Variants in CCDC7 observed in about 807,000 individuals in gnomAD.
CCDC7 encodes the protein coiled-coil domain containing 7, also known as coiled-coil domain-containing protein 7.
CCDC7 carries 183 observed loss-of-function variants against 196.9 expected under a neutral mutation model. That is an observed-to-expected ratio of 0.93 (90% CI 0.82 to 1.05). CCDC7 has a LOEUF of 1.05. CCDC7 is among the 50% of genes least tolerant of loss of function. The probability of loss-of-function intolerance (pLI) is 0.00; values close to 1 mark genes in which losing one functional copy is unlikely to be tolerated. For missense variants in CCDC7, 1,540 were observed against 1,482.2 expected (o/e 1.04, Z -0.64); for synonymous variants, 525 against 484.6 (o/e 1.08, Z -1.10).
At chr10:32,812,912 G>A (rs371779741) in intron 30 of CCDC7, among the ~76,000 whole-genome samples, 1 of 152,058 alleles carries the variant, frequency 6.6e-6, no homozygotes, top group Non-Finnish European at 1.5e-5. Context: ...GTTTTGAGTC[G>A]CTATATCTCT....
intron 8 of CCDC7, among the ~76,000 whole-genome samples, chr10:32,490,374 C>A (rs2041963592): frequency 6.6e-6 from 1 of 151,982 alleles, no homozygotes. Context: ...ATGGCTTTTT[C>A]TTCTTTCTGG....
intron 41 of CCDC7, among the ~76,000 whole-genome samples, chr10:32,856,250 T>C (rs2093749132): frequency 6.6e-6 from 1 of 152,114 alleles, no homozygotes; most frequent in African/African-American, 2.4e-5. Context: ...CAGTCATCAA[T>C]GGAAAATATC....
chr10:32,585,167 G>A (rs1368814569), intron 18 of CCDC7, among the ~76,000 whole-genome samples: 8 of 151,474 alleles, frequency 5.3e-5, no homozygotes, highest in Non-Finnish European at 1.2e-4. Context: ...TCCGCCTCCC[G>A]GGTTCACGCC....
chr10:32,623,613 ACT>A (rs1398062427), intron 18 of CCDC7: 1 of 437,330 alleles, frequency 2.3e-6, no homozygotes, highest in South Asian at 1.6e-5. Flanking sequence ...ACTATTAAGA[ACT>A]CTGTCAGATA....
At chr10:32,646,505 G>T (rs72782234) in intron 20 of CCDC7, among the ~76,000 whole-genome samples, 15,932 of 152,168 alleles carry the variant, frequency 0.1, 1,038 homozygotes, top group South Asian at 0.25. Context: ...TAGCTGTTGG[G>T]TGACACGTAT....
At chr10:32,669,886 G>T (rs915574848) in intron 21 of CCDC7, among the ~76,000 whole-genome samples, 2 of 152,036 alleles carry the variant, frequency 1.3e-5, no homozygotes, top group Non-Finnish European at 2.9e-5. Flanking sequence ...TAGAATGTTT[G>T]TATTGTTATA....
chr10:32,849,181 T>A (rs1414099720), intron 39 of CCDC7, among the ~76,000 whole-genome samples: 6 of 152,060 alleles, frequency 3.9e-5, no homozygotes, highest in Non-Finnish European at 7.4e-5. Context: ...TTTTAATTTT[T>A]ATTTTCATAT....
chr10:32,708,176 C>T (rs1056625906), intron 24 of CCDC7, among the ~76,000 whole-genome samples: 2 of 152,166 alleles, frequency 1.3e-5, no homozygotes, highest in Non-Finnish European at 2.9e-5. Context: ...CACACATCTA[C>T]ACCCATCTGA....
intron 21 of CCDC7, among the ~76,000 whole-genome samples, chr10:32,681,367 C>T (rs2075824925): frequency 6.6e-6 from 1 of 152,164 alleles, no homozygotes; most frequent in Admixed American, 6.6e-5. Context: ...CCCACTACTT[C>T]ACACCATAGG....
chr10:32,807,837 T>G (rs752547360), intron 30 of CCDC7, among the ~76,000 whole-genome samples: 2 of 151,964 alleles, frequency 1.3e-5, no homozygotes, highest in Non-Finnish European at 2.9e-5. Context: ...TTCAAGTGAT[T>G]CTTCTGTCTT....
intron 28 of CCDC7, among the ~76,000 whole-genome samples, chr10:32,772,248 G>A (rs1292060129): frequency 6.6e-6 from 1 of 152,182 alleles, no homozygotes; most frequent in Non-Finnish European, 1.5e-5. Flanking sequence ...AGTTTGTGCA[G>A]GGAGTGGGGA....
At position 32,517,861 on chromosome 10, in the gene CCDC7, G is replaced by GA. The variant is rs536555434; in HGVS notation, c.873-75dup. 13,004 of 1,441,976 alleles carry GA rather than the reference G, an allele frequency of 9.0e-3. 39 individuals carry two copies. Among genetic ancestry groups the GA allele is most frequent in the Non-Finnish European group, 0.011 (11,494 of 1,071,420 alleles). 89.3% of individuals were successfully genotyped at this position (1,441,976 alleles called of 1,614,324 possible). ...AGCAACTAATTACTGAATACCAAAA[G>GA]AAAAAAAAAGAAAATGTGTGTGTTT... On this transcript the variant is annotated intron_variant, in intron 9 of 41. Coordinates refer to ENST00000639629, the Ensembl canonical transcript of CCDC7.
At chr10:32,716,231 G>C (rs1018971826) in intron 25 of CCDC7, among the ~76,000 whole-genome samples, 1 of 152,118 alleles carries the variant, frequency 6.6e-6, no homozygotes, top group African/African-American at 2.4e-5. Flanking sequence ...AAACCAGAAG[G>C]GAGTGGGGGC....
At chr10:32,446,744 G>A (rs1420480675), upstream of CCDC7, 1 of 152,128 alleles carries the variant, frequency 6.6e-6, no homozygotes, top group Non-Finnish European at 1.5e-5. Context: ...TTGTTAGGAG[G>A]GATAAATGAA....
Position 32,657,114 on chromosome 10 carries a change from G to A in CCDC7, c.2015-6940G>A, listed in dbSNP as rs563757733. ...TAGGCAGCTCCACCCTTGTGGCTTT[G>A]TGGGGTACAGCCCCATTCCCAGGTG... On this transcript the variant is annotated intron_variant, in intron 20 of 41. Coordinates refer to ENST00000639629, the Ensembl canonical transcript of CCDC7. 4.6e-5 allele frequency among the ~76,000 whole-genome samples: 7 copies of A among 152,360 alleles called. No homozygotes were observed. The South Asian group carries it at 1.2e-3, about 27-fold the overall frequency.
chr10:32,843,794 C>T (rs1423583197), intron 33 of CCDC7, among the ~76,000 whole-genome samples: 3 of 151,896 alleles, frequency 2.0e-5, no homozygotes, highest in African/African-American at 7.2e-5. Flanking sequence ...TATATGACTG[C>T]TCATATTCCC....
At chr10:32,583,237 C>T (rs926504577) in exon 17 of CCDC7, 1 of 1,231,314 alleles carries the variant, frequency 8.1e-7, no homozygotes, top group African/African-American at 1.6e-5. Flanking sequence ...TCTGTTGGAA[C>T]ATTGGCTCAA....
At chr10:32,816,107 T>C (rs1354139455) in intron 31 of CCDC7, among the ~76,000 whole-genome samples, 2 of 152,172 alleles carry the variant, frequency 1.3e-5, no homozygotes, top group Non-Finnish European at 2.9e-5. Flanking sequence ...GGGTGACACA[T>C]GGCACCTGGA....
At chr10:32,611,124 G>A (rs2062080883) in intron 18 of CCDC7, among the ~76,000 whole-genome samples, 1 of 152,188 alleles carries the variant, frequency 6.6e-6, no homozygotes, top group East Asian at 1.9e-4. Flanking sequence ...TCTAACTGGT[G>A]TGAGATGGTA....
Sources: gnomAD v4.1 joint callset for allele counts (sites outside exome capture counted in the v4.1 genomes callset) on GRCh38, gnomAD v4.1.1 for gene constraint, MANE v1.5 for transcripts, NCBI Gene and HGNC (gene_info 2026-07-23, HGNC 2026-07-21) for gene names.